The following PROKR2 variants were observed in gnomAD, a reference collection of about 807,000 sequenced individuals.
The protein encoded by PROKR2 is prokineticin receptor 2.
A neutral mutation model predicts 23.4 loss-of-function variants in PROKR2; 26 were observed. That is an observed-to-expected ratio of 1.11 (90% CI 0.81 to 1.54). PROKR2 has a LOEUF of 1.54. Among genes scored for constraint, PROKR2 ranks in the 40% most tolerant of loss-of-function variants. The probability of loss-of-function intolerance (pLI) is 0.00; values close to 1 mark genes in which losing one functional copy is unlikely to be tolerated. For synonymous variants in PROKR2, 212 were observed against 201.2 expected (o/e 1.05, Z -0.45); for missense variants, 453 against 511.5 (o/e 0.89, Z 1.10).
rs913698572 is a variant in PROKR2 at position 5,302,001 on chromosome 20, G to A, written c.*39C>T. ...TGGTTGATGGTGGGTGATGCTCTGA[G>A]TACTGGACTGGGGTTTTCAATTGTG... On this transcript the variant is annotated 3_prime_UTR_variant, in exon 3 of 3. Transcript: ENST00000678254. The A allele has an allele frequency of 6.4e-7, 1 of 1,568,138 alleles. No individual in the cohort carries two copies. The highest frequency in any genetic ancestry group is 8.8e-7 in the Non-Finnish European group (1 of 1,141,062).
Position 5,302,651 on chromosome 20 carries a change from T to C in PROKR2, c.544A>G (p.Ile182Val). 2 of 1,614,206 alleles carry C rather than the reference T, an allele frequency of 1.2e-6. No homozygotes were observed. Among genetic ancestry groups the C allele is most frequent in the Non-Finnish European group, 1.7e-6 (2 of 1,180,046 alleles). The change falls in exon 3 of 3, where the codon ATT (isoleucine) becomes GTT (valine). Residue 182 changes from isoleucine to valine, a missense_variant. Physicochemically the swap from Ile to Val is conservative, Grantham distance 29 (BLOSUM62 3). Transcript: ENST00000678254. Reference sequence around the variant, plus strand: ...TAAGCCGATGGGATGGCAATGAGAATGGACACCATCCAGACCAAGGCGATC... The same window carrying C: ...TAAGCCGATGGGATGGCAATGAGAACGGACACCATCCAGACCAAGGCGATC... ...FLIALVWMVS[I>V]LIAIPSAYFA... is the part of the protein sequence containing the mutation.
rs189823023 is a variant in PROKR2 at position 5,299,442 on chromosome 20, G to A, written c.*2598C>T. On this transcript the variant is annotated 3_prime_UTR_variant, in exon 3 of 3. Coordinates refer to ENST00000678254, the MANE Select transcript of PROKR2 (RefSeq NM_144773.4). ...AATCTCCTGATTCGGCTAAGAGCCA[G>A]GATAGAATAATAAATAAAAATACAA... 1.6e-3 allele frequency among the ~76,000 whole-genome samples: 248 copies of A among 151,886 alleles called. 1 individual carries two copies. Among genetic ancestry groups the A allele is most frequent in the African/African-American group, 5.7e-3 (235 of 41,456 alleles).
Position 5,301,742 on chromosome 20 carries a change from C to T in PROKR2, c.*298G>A, listed in dbSNP as rs1037356440. On this transcript the variant is annotated 3_prime_UTR_variant, in exon 3 of 3. Transcript: ENST00000678254. Reference sequence around the variant, plus strand: ...AGCTCCTGCTGTCCCTGTCTAATCTCATTGGTGTGGTTTGCACACAGTACA... The same window carrying T: ...AGCTCCTGCTGTCCCTGTCTAATCTTATTGGTGTGGTTTGCACACAGTACA... Among the ~76,000 whole-genome samples the T allele has an allele frequency of 1.3e-4, 20 of 152,190 alleles. No individual in the cohort carries two copies. The highest frequency in any genetic ancestry group is 2.6e-4 in the Non-Finnish European group (18 of 68,028).
rs564287592 is a variant in PROKR2 at position 5,314,163 on chromosome 20, G to A, written c.207C>T (p.Ile69=). 4.8e-5 allele frequency: 78 copies of A among 1,614,186 alleles called. No homozygotes were observed. The highest frequency in any genetic ancestry group is 2.9e-4 in the South Asian group (26 of 91,082). Residue 69 remains isoleucine, a synonymous_variant, in exon 2 of 3, where the codon ATC becomes ATT. Transcript: ENST00000678254. ...GGGCAGCGATAAAGACAAAGTTACC[G>A]ATGCCGCAGACCAGCATGATGCCTG... is the stretch of plus-strand genomic sequence containing the variant. ...ALAGIMLVCG[I]GNFVFIAALT...
In PROKR2 at chr20:5,302,427, AG is replaced by A. The variant is rs1396248725; in HGVS notation, c.767del (p.Pro256LeufsTer51). 3.1e-6 allele frequency: 5 copies of A among 1,614,100 alleles called. No individual in the cohort carries two copies. Among genetic ancestry groups the A allele is most frequent in the Non-Finnish European group, 4.2e-6 (5 of 1,180,038 alleles). ...TGCGAATCTGCTCCGTCTGGAACCCAGGGACTGCCTTGAACCAGAGCTCCCG... is the reference window on the plus strand; with the variant it reads ...TGCGAATCTGCTCCGTCTGGAACCCAGGACTGCCTTGAACCAGAGCTCCCG... ...ISRELWFKAV[P>X]GFQTEQIRKR... On this transcript the variant is annotated frameshift_variant, in exon 3 of 3. Coordinates refer to ENST00000678254, the MANE Select transcript of PROKR2 (RefSeq NM_144773.4). LOFTEE classifies it high-confidence loss of function.
chr20:5,308,679 G>T (rs1219452627), intron 2 of PROKR2, among the ~76,000 whole-genome samples: 1 of 152,108 alleles, frequency 6.6e-6, no homozygotes, highest in South Asian at 2.1e-4. Context: ...AGCGCTGCTG[G>T]GGTAGGGTCT....
In PROKR2 at chr20:5,300,797, A is replaced by T. The variant is rs1978955973; in HGVS notation, c.*1243T>A. 6.6e-6 allele frequency among the ~76,000 whole-genome samples: 1 copy of T among 152,130 alleles called. No individual in the cohort carries two copies. Among genetic ancestry groups the T allele is most frequent in the Non-Finnish European group, 1.5e-5 (1 of 68,008 alleles). Reference sequence around the variant, plus strand: ...CCTTAGCAAAATGCCCACAGAGATTATGTTCATTGCCAGTGGCAACCTCCA... The same window carrying T: ...CCTTAGCAAAATGCCCACAGAGATTTTGTTCATTGCCAGTGGCAACCTCCA... On this transcript the variant is annotated 3_prime_UTR_variant, in exon 3 of 3. Coordinates refer to ENST00000678254, the MANE Select transcript of PROKR2 (RefSeq NM_144773.4).
chr20:5,311,927 A>G (rs891979317), intron 2 of PROKR2, among the ~76,000 whole-genome samples: 3 of 152,198 alleles, frequency 2.0e-5, no homozygotes, highest in Non-Finnish European at 4.4e-5. Flanking sequence ...GTTAATACTT[A>G]CTAAACTTCC....
intron 1 of PROKR2, 54 bp from the exon 2 acceptor site, chr20:5,314,431 G>A (rs1182466939): frequency 8.5e-6 from 12 of 1,408,954 alleles, no homozygotes. Context: ...CAGACCTTCT[G>A]CTCTTTCAGG....
Position 5,314,028 on chromosome 20 carries a change from G to C in PROKR2, c.342C>G (p.Tyr114Ter). The C allele has an allele frequency of 6.2e-7, 1 of 1,614,204 alleles. No homozygotes were observed. The highest frequency in any genetic ancestry group is 8.5e-7 in the Non-Finnish European group (1 of 1,180,018). Residue 114 changes from tyrosine to a stop codon, truncating the protein, a stop_gained, in exon 2 of 3, where the codon TAC (tyrosine) becomes TAG (stop). Transcript: ENST00000678254. LOFTEE classifies it high-confidence loss of function. The part of the protein sequence containing the change: ...IICCPFEMDY[Y>*]VVRQLSWEHG... ...GCTCCCAGGAGAGCTGCCGTACCAC[G>C]TAGTAGTCCATCTCGAAGGGGCAGC...
At position 5,302,303 on chromosome 20, in the gene PROKR2, G is replaced by GT; in HGVS notation, c.891_892insA (p.Arg298ThrfsTer2). The GT allele has an allele frequency of 6.2e-7, 1 of 1,614,246 alleles. No homozygotes were observed. Among genetic ancestry groups the GT allele is most frequent in the East Asian group, 2.2e-5 (1 of 44,892 alleles). On this transcript the variant is annotated frameshift_variant, in exon 3 of 3. Coordinates refer to ENST00000678254, the MANE Select transcript of PROKR2 (RefSeq NM_144773.4). LOFTEE classifies it high-confidence loss of function. Reference sequence around the variant, plus strand: ...ACGAACACAGTGGGGAAGAAGTCACGAACGATGGTGAAACCGTAGAAGGGT... The same window carrying GT: ...ACGAACACAGTGGGGAAGAAGTCACGTAACGATGGTGAAACCGTAGAAGGGT...
chr20:5,307,394 C>T (rs1292360089), intron 2 of PROKR2, among the ~76,000 whole-genome samples: 1 of 152,168 alleles, frequency 6.6e-6, no homozygotes, highest in Non-Finnish European at 1.5e-5. Context: ...TGGATATAAT[C>T]ACTCTATGAT....
At chr20:5,304,916 A>C (rs1381368175) in intron 2 of PROKR2, among the ~76,000 whole-genome samples, 1 of 152,166 alleles carries the variant, frequency 6.6e-6, no homozygotes, top group Non-Finnish European at 1.5e-5. Flanking sequence ...ATCGGAGGTA[A>C]TCTGCATAAG....
At position 5,302,863 on chromosome 20, in the gene PROKR2, CA is replaced by C. The variant is rs893989591; in HGVS notation, c.459-128del. 13 of 716,122 alleles carry C rather than the reference CA, an allele frequency of 1.8e-5. No individual in the cohort carries two copies. The African/African-American group carries it at 2.3e-4, about 13-fold the overall frequency. The allele number at this position is 716,122 out of a possible 1,614,324, so 44.4% of individuals were successfully genotyped here. On this transcript the variant is annotated intron_variant, in intron 2 of 2. Coordinates refer to ENST00000678254, the MANE Select transcript of PROKR2 (RefSeq NM_144773.4). Reference sequence around the variant, plus strand: ...TCATGTACTTGTTATCCAGCTTTAACAAGCTTCATCTTATTTTAGCAACATC... The same window carrying C: ...TCATGTACTTGTTATCCAGCTTTAACAGCTTCATCTTATTTTAGCAACATC...
rs1425780062 is a variant in PROKR2, at chr20:5,300,878, TGAG to T, written c.*1159_*1161del. Among the ~76,000 whole-genome samples the T allele has an allele frequency of 6.6e-6, 1 of 152,216 alleles. No individual in the cohort carries two copies. Among genetic ancestry groups the T allele is most frequent in the Non-Finnish European group, 1.5e-5 (1 of 68,024 alleles). On this transcript the variant is annotated 3_prime_UTR_variant, in exon 3 of 3. Coordinates refer to ENST00000678254, the MANE Select transcript of PROKR2 (RefSeq NM_144773.4). ...CCAGAGCCACTGAAATCCTTTGCAC[TGAG>T]GAGGCAAAAATTGACACCTCAGGAT... is the stretch of plus-strand genomic sequence containing the variant.
chr20:5,310,240 T>G (rs1326113425), intron 2 of PROKR2, among the ~76,000 whole-genome samples: 1 of 152,198 alleles, frequency 6.6e-6, no homozygotes, highest in Non-Finnish European at 1.5e-5. Flanking sequence ...TCTGTCTGCT[T>G]GGATGTGTTT....
rs1041273204 is a variant in PROKR2 at position 5,301,328 on chromosome 20, G to A, written c.*712C>T. On this transcript the variant is annotated 3_prime_UTR_variant, in exon 3 of 3. Transcript: ENST00000678254. ...GCTCACTGCAAACTCCAACTCCCAG[G>A]TTCAAGCTATTCTCCTGCTTCAGCC... 6.6e-6 allele frequency among the ~76,000 whole-genome samples: 1 copy of A among 152,162 alleles called. No homozygotes were observed. Among genetic ancestry groups the A allele is most frequent in the Non-Finnish European group, 1.5e-5 (1 of 68,036 alleles).
At position 5,302,959 on chromosome 20, in the gene PROKR2, G is replaced by A. The variant is rs138291412; in HGVS notation, c.459-223C>T. Among the ~76,000 whole-genome samples, 188 of 152,244 alleles carry A rather than the reference G, an allele frequency of 1.2e-3. 1 individual carries two copies. The highest frequency in any genetic ancestry group is 3.6e-3 in the African/African-American group (149 of 41,544). ...GGTCAAACAGGCTGAATAAATCCTG[G>A]GTTTTCCCTGGATTGGCTTTGGGGT... On this transcript the variant is annotated intron_variant, in intron 2 of 2. Transcript: ENST00000678254.
At position 5,314,028 on chromosome 20, in the gene PROKR2, G is replaced by A. The variant is rs1454126445; in HGVS notation, c.342C>T (p.Tyr114=). 8.7e-6 allele frequency: 14 copies of A among 1,614,086 alleles called. No individual in the cohort carries two copies. The highest frequency in any genetic ancestry group is 5.5e-5 in the South Asian group (5 of 91,088). The part of the protein sequence containing the change: ...IICCPFEMDY[Y]VVRQLSWEHG... ...GCTCCCAGGAGAGCTGCCGTACCAC[G>A]TAGTAGTCCATCTCGAAGGGGCAGC... The change falls in exon 2 of 3, where the codon TAC becomes TAT. Residue 114 remains tyrosine (Y), a synonymous_variant. Coordinates refer to ENST00000678254, the MANE Select transcript of PROKR2 (RefSeq NM_144773.4).
Sources: gnomAD v4.1 joint callset for allele counts (sites outside exome capture counted in the v4.1 genomes callset) on GRCh38, gnomAD v4.1.1 for gene constraint, MANE v1.5 for transcripts, NCBI Gene and HGNC (gene_info 2026-07-23, HGNC 2026-07-21) for gene names.